TRIM68: variants seen among roughly 807,000 people sequenced by gnomAD.
The protein encoded by TRIM68 is tripartite motif containing 68, also known as E3 ubiquitin-protein ligase TRIM68.
In TRIM68, 36 loss-of-function variants were observed where a neutral mutation model predicts 41.9. The observed-to-expected ratio is 0.86, with a 90% confidence interval of 0.66 to 1.14. TRIM68 has a LOEUF of 1.14. Ranked by LOEUF, TRIM68 falls within the 50% of genes most tolerant of loss-of-function variation. The pLI is 0.00. For synonymous variants in TRIM68, 225 were observed against 224.6 expected (o/e 1.00, Z -0.02); for missense variants, 632 against 605.1 (o/e 1.04, Z -0.47).
rs776578344 is a variant in TRIM68, at chr11:4,600,621, G to A, written c.1113C>T (p.Gly371=). 13 of 1,614,004 alleles carry A rather than the reference G, an allele frequency of 8.1e-6. No homozygotes were observed. Among genetic ancestry groups the A allele is most frequent in the Non-Finnish European group, 1.1e-5 (13 of 1,180,004 alleles). ...EVEVGDRSEW[G]LGVCKQNVDR... is the part of the protein sequence containing the mutation. ...CTACATTTTGCTTACATACTCCCAG[G>A]CCCCACTCAGACCTGTCTCCCACCT... The change falls in exon 7 of 7, where the codon GGC becomes GGT. Residue 371 remains glycine (G), a synonymous_variant. Coordinates refer to ENST00000300747, the MANE Select transcript of TRIM68 (RefSeq NM_018073.8).
At chr11:4,603,494 T>G (rs1846524380) in intron 2 of TRIM68, among the ~76,000 whole-genome samples, 154 bp from the exon 3 acceptor site, 1 of 152,228 alleles carries the variant, frequency 6.6e-6, no homozygotes, top group Non-Finnish European at 1.5e-5. Flanking sequence ...TCTGCCCAGA[T>G]GACATCCGAG....
chr11:4,599,998 C>T lies in TRIM68; in HGVS notation c.*278G>A, dbSNP rs1846455231. On this transcript the variant is annotated 3_prime_UTR_variant, in exon 7 of 7. Transcript: ENST00000300747. ...CATGGACAAAGTCCTGATCCTTACC[C>T]CAACGAGTCACCTTAGAACTGCTCT... is the stretch of plus-strand genomic sequence containing the variant. 2 of 332,056 alleles carry T rather than the reference C, an allele frequency of 6.0e-6. No individual in the cohort carries two copies. The highest frequency in any genetic ancestry group is 8.7e-5 in the Admixed American group (2 of 23,006). 20.6% of individuals were successfully genotyped at this position (332,056 alleles called of 1,614,324 possible).
At chr11:4,600,946 C>A (rs1015319572) in intron 6 of TRIM68, 81 bp downstream of exon 6, 2 of 1,567,794 alleles carry the variant, frequency 1.3e-6, no homozygotes, top group Admixed American at 1.7e-5. Flanking sequence ...GGATGGAGCA[C>A]CCAGAGGGCA....
At chr11:4,606,057 T>C (rs1010661930) in intron 1 of TRIM68, among the ~76,000 whole-genome samples, 1 of 152,208 alleles carries the variant, frequency 6.6e-6, no homozygotes. Flanking sequence ...GCTCAATTTG[T>C]TTTCTTGTGT....
intron 3 of TRIM68, 70 bp downstream of exon 3, chr11:4,603,175 C>A (rs1589849293): frequency 5.7e-6 from 8 of 1,407,148 alleles, no homozygotes; most frequent in Non-Finnish European, 1.0e-6. Context: ...GATGAGAATG[C>A]TACCCTAGGC....
chr11:4,605,519 C>G lies in TRIM68; in HGVS notation c.-15G>C. The G allele has an allele frequency of 6.3e-7, 1 of 1,593,544 alleles. No individual in the cohort carries two copies. On this transcript the variant is annotated 5_prime_UTR_variant, in exon 2 of 7. Coordinates refer to ENST00000300747, the MANE Select transcript of TRIM68 (RefSeq NM_018073.8). ...GTGGGATCCATGGTTCCTTCTCACA[C>G]CCTCCTCAGAACATGAATGAAACCA...
In TRIM68 at chr11:4,605,550, A is replaced by C. The variant is rs753508691; in HGVS notation, c.-46T>G. On this transcript the variant is annotated 5_prime_UTR_variant, in exon 2 of 7. Transcript: ENST00000300747. ...TCAGAACATGAATGAAACCAGGGAGAAGTAGTAAAGGCTGAGAAGAAGAAA... is the reference window on the plus strand; with the variant it reads ...TCAGAACATGAATGAAACCAGGGAGCAGTAGTAAAGGCTGAGAAGAAGAAA... The C allele has an allele frequency of 1.3e-6, 2 of 1,519,370 alleles. No homozygotes were observed. Among genetic ancestry groups the C allele is most frequent in the Non-Finnish European group, 1.8e-6 (2 of 1,123,154 alleles). 94.1% of individuals were successfully genotyped at this position (1,519,370 alleles called of 1,614,324 possible). A position where few individuals can be genotyped will look rare whatever the true frequency, so the allele number is the denominator to read the frequency against.
intron 1 of TRIM68, among the ~76,000 whole-genome samples, chr11:4,607,397 A>C (rs1846585194): frequency 6.6e-6 from 1 of 152,234 alleles, no homozygotes; most frequent in Non-Finnish European, 1.5e-5. Flanking sequence ...AGGATGTGTT[A>C]ATATCCTTAG....
At chr11:4,604,454 G>A (rs1846539314) in intron 2 of TRIM68, among the ~76,000 whole-genome samples, 1 of 152,210 alleles carries the variant, frequency 6.6e-6, no homozygotes. Flanking sequence ...AACAAACTTG[G>A]GAGAGGAGAA....
Position 4,602,386 on chromosome 11 carries a change from ACT to A in TRIM68, c.547_548del (p.Ser183TyrfsTer6), listed in dbSNP as rs1564865403. 1.9e-6 allele frequency: 3 copies of A among 1,613,338 alleles called. No homozygotes were observed. Among genetic ancestry groups the A allele is most frequent in the Non-Finnish European group, 2.5e-6 (3 of 1,179,904 alleles). On this transcript the variant is annotated frameshift_variant, in exon 4 of 7. Transcript: ENST00000300747. LOFTEE classifies it high-confidence loss of function. ...WKIQVETRKQ[S>X]IVWEFEKYQR... ...GGTATTTTTCAAACTCCCATACAAT[ACT>A]CTGTTTTCGGGTTTCCACCTGTATC...
Position 4,605,564 on chromosome 11 carries a change from GAGA to G in TRIM68, c.-57-6_-57-4del, listed in dbSNP as rs1484127963. Reference sequence around the variant, plus strand: ...AAACCAGGGAGAAGTAGTAAAGGCTGAGAAGAAGAAAAGAAAGACAAATAAGAG... The same window carrying G: ...AAACCAGGGAGAAGTAGTAAAGGCTGAGAAGAAAAGAAAGACAAATAAGAG... On this transcript the variant is annotated splice_region_variant and splice_polypyrimidine_tract_variant and intron_variant, in intron 1 of 6. Coordinates refer to ENST00000300747, the MANE Select transcript of TRIM68 (RefSeq NM_018073.8). 2 of 1,461,974 alleles carry G rather than the reference GAGA, an allele frequency of 1.4e-6. No homozygotes were observed. Among genetic ancestry groups the G allele is most frequent in the Non-Finnish European group, 1.8e-6 (2 of 1,084,642 alleles). 90.6% of individuals were successfully genotyped at this position (1,461,974 alleles called of 1,614,324 possible). A position where few individuals can be genotyped will look rare whatever the true frequency, so the allele number is the denominator to read the frequency against.
At chr11:4,602,004 C>A in intron 4 of TRIM68, 148 bp downstream of exon 4, 1 of 1,184,326 alleles carries the variant, frequency 8.4e-7, no homozygotes, top group Non-Finnish European at 1.2e-6. Flanking sequence ...GATAGGGAAA[C>A]AGCAGGTATT....
At position 4,601,114 on chromosome 11, in the gene TRIM68, T is replaced by G; in HGVS notation, c.820A>C (p.Ser274Arg). Reference sequence around the variant, plus strand: ...GAGATTGGTTCTGGCTGCTGCAAGCTCCAAGATTTGCTCCTGGTAGAGGAG... The same window carrying G: ...GAGATTGGTTCTGGCTGCTGCAAGCGCCAAGATTTGCTCCTGGTAGAGGAG... ...QEVLNRSKSW[S>R]LQQPEPISLE... The change falls in exon 6 of 7, where the codon AGC becomes CGC. Residue 274 changes from serine (S) to arginine (R), a missense_variant. By Grantham distance (110) the Ser-to-Arg change is moderately radical. Transcript: ENST00000300747. 6.2e-7 allele frequency: 1 copy of G among 1,614,108 alleles called. No homozygotes were observed. The highest frequency in any genetic ancestry group is 1.3e-5 in the African/African-American group (1 of 75,042).
In TRIM68 at chr11:4,600,430, GAAAT is replaced by G; in HGVS notation, c.1300_1303del (p.Ile434LeufsTer5). The G allele has an allele frequency of 2.5e-6, 4 of 1,614,064 alleles. No individual in the cohort carries two copies. The highest frequency in any genetic ancestry group is 3.4e-6 in the Non-Finnish European group (4 of 1,179,982). On this transcript the variant is annotated frameshift_variant, in exon 7 of 7. Coordinates refer to ENST00000300747, the MANE Select transcript of TRIM68 (RefSeq NM_018073.8). LOFTEE classifies it high-confidence loss of function. ...GCCACAGTCAGTCACATTGTAGAAA[GAAAT>G]GTCATGGGCCTCATAATCCACGAAG...
chr11:4,605,518 A>G lies in TRIM68; in HGVS notation c.-14T>C. The G allele has an allele frequency of 1.3e-6, 2 of 1,592,820 alleles. No individual in the cohort carries two copies. The highest frequency in any genetic ancestry group is 2.3e-5 in the South Asian group (2 of 88,584). On this transcript the variant is annotated 5_prime_UTR_variant, in exon 2 of 7. Transcript: ENST00000300747. ...TGTGGGATCCATGGTTCCTTCTCAC[A>G]CCCTCCTCAGAACATGAATGAAACC...
In TRIM68 at chr11:4,605,536, A is replaced by G; in HGVS notation, c.-32T>C. 1 of 1,562,462 alleles carries G rather than the reference A, an allele frequency of 6.4e-7. No individual in the cohort carries two copies. The highest frequency in any genetic ancestry group is 8.7e-7 in the Non-Finnish European group (1 of 1,152,320). Reference sequence around the variant, plus strand: ...TTCTCACACCCTCCTCAGAACATGAATGAAACCAGGGAGAAGTAGTAAAGG... The same window carrying G: ...TTCTCACACCCTCCTCAGAACATGAGTGAAACCAGGGAGAAGTAGTAAAGG... On this transcript the variant is annotated 5_prime_UTR_variant, in exon 2 of 7. Coordinates refer to ENST00000300747, the MANE Select transcript of TRIM68 (RefSeq NM_018073.8).
intron 4 of TRIM68, 113 bp from the exon 5 acceptor site, chr11:4,601,799 G>A: frequency 8.0e-7 from 1 of 1,257,392 alleles, no homozygotes; most frequent in East Asian, 2.3e-5. Flanking sequence ...ACCAAGAATG[G>A]AGAGATGCCA....
chr11:4,602,492 A>G (rs1322051767), intron 3 of TRIM68, 80 bp from the exon 4 acceptor site: 9 of 1,549,062 alleles, frequency 5.8e-6, no homozygotes, highest in Non-Finnish European at 5.3e-6. Context: ...ATACACACAT[A>G]CTCTGCAATG....
rs1256562604 is a variant in TRIM68 at position 4,602,268 on chromosome 11, T to G, written c.667A>C (p.Thr223Pro). Reference sequence around the variant, plus strand: ...TGGTTCAACTCCAGTTTCTGCATGGTCTCCGCTGCCTCCCGCTGTAGGCTG... The same window carrying G: ...TGGTTCAACTCCAGTTTCTGCATGGGCTCCGCTGCCTCCCGCTGTAGGCTG... Reference protein sequence around the residue: ...LASLQREAAETMQKLELNHSE... With the variant: ...LASLQREAAEPMQKLELNHSE... Residue 223 changes from threonine to proline, a missense_variant, in exon 4 of 7, where the codon ACC becomes CCC. Physicochemically the swap from Thr to Pro is conservative, Grantham distance 38. Coordinates refer to ENST00000300747, the MANE Select transcript of TRIM68 (RefSeq NM_018073.8). The G allele has an allele frequency of 6.2e-7, 1 of 1,613,990 alleles. No homozygotes were observed. Among genetic ancestry groups the G allele is most frequent in the Non-Finnish European group, 8.5e-7 (1 of 1,180,022 alleles).
Sources: allele counts gnomAD v4.1 joint callset (sites outside exome capture counted in the v4.1 genomes callset), GRCh38; gene constraint gnomAD v4.1.1; transcripts MANE v1.5; gene names NCBI Gene and HGNC (gene_info 2026-07-23, HGNC 2026-07-21).